The following MAF variants were observed in gnomAD, a reference collection of about 807,000 sequenced individuals.
MAF encodes transcription factor Maf.
In MAF, 10 loss-of-function variants were observed where a neutral mutation model predicts 22.0. The ratio of observed to expected loss-of-function variants is 0.45; its 90% CI spans 0.28 to 0.77. The LOEUF is 0.77. MAF is among the 30% of genes least tolerant of loss of function. The pLI, the probability that MAF is intolerant of heterozygous loss-of-function variation, is 0.12. For synonymous variants in MAF, 337 were observed against 255.8 expected (o/e 1.32, Z -3.03); for missense variants, 544 against 548.4 (o/e 0.99, Z 0.08).
chr16:79,332,580 T>G, the MAF span, among the ~76,000 whole-genome samples: 12 of 152,260 alleles, frequency 7.9e-5, no homozygotes, highest in African/African-American at 2.9e-4. Flanking sequence ...ATTACTGGCA[T>G]GAGCCACCAC....
chr16:79,301,784 G>T, the MAF span, among the ~76,000 whole-genome samples: 3 of 152,240 alleles, frequency 2.0e-5, no homozygotes, highest in East Asian at 3.9e-4. Flanking sequence ...ACTGTGCTCT[G>T]GGTATGATGC....
At chr16:79,589,467 T>C (rs1222876174), downstream of MAF, among the ~76,000 whole-genome samples, 1 of 152,056 alleles carries the variant, frequency 6.6e-6, no homozygotes, top group African/African-American at 2.4e-5. Flanking sequence ...CCTCTTACTC[T>C]GTCTCTAACC....
At chr16:79,400,451 T>C in the MAF span, among the ~76,000 whole-genome samples, 1 of 152,238 alleles carries the variant, frequency 6.6e-6, no homozygotes, top group Non-Finnish European at 1.5e-5. Flanking sequence ...AACTACGCCC[T>C]GTTGTGCTCA....
At chr16:79,541,209 T>G in the MAF span, among the ~76,000 whole-genome samples, 2 of 152,228 alleles carry the variant, frequency 1.3e-5, no homozygotes, top group African/African-American at 4.8e-5. Flanking sequence ...CTTCAACGAC[T>G]GCTATCGTAC....
At chr16:79,594,680 G>C (rs1377690673) in intron 1 of MAF, 127 bp from the exon 2 acceptor site, 1 of 1,492,920 alleles carries the variant, frequency 6.7e-7, no homozygotes. Context: ...GTAATGAATG[G>C]CACTTACTCA....
the MAF span, among the ~76,000 whole-genome samples, chr16:79,258,504 G>C: frequency 6.6e-6 from 1 of 152,100 alleles, no homozygotes; most frequent in African/African-American, 2.4e-5. Context: ...TCCTGTAATG[G>C]AGCTAGCCTG....
At chr16:79,481,280 T>C in the MAF span, among the ~76,000 whole-genome samples, 5 of 152,024 alleles carry the variant, frequency 3.3e-5, no homozygotes, top group Non-Finnish European at 4.4e-5. Context: ...TATATATGTA[T>C]CATAAAATTC....
the MAF span, among the ~76,000 whole-genome samples, chr16:79,578,709 T>C: frequency 2.6e-5 from 4 of 152,114 alleles, no homozygotes; most frequent in Admixed American, 6.5e-5. Context: ...TCCTGAGAAA[T>C]AGATAAATAA....
chr16:79,351,993 G>A, the MAF span, among the ~76,000 whole-genome samples: 5 of 152,176 alleles, frequency 3.3e-5, no homozygotes, highest in Non-Finnish European at 7.4e-5. Context: ...AAATGTCACC[G>A]TTGAGATGAC....
chr16:79,531,760 C>G, the MAF span, among the ~76,000 whole-genome samples: 1 of 152,148 alleles, frequency 6.6e-6, no homozygotes, highest in African/African-American at 2.4e-5. Flanking sequence ...GCTTCACCCA[C>G]GCACTCATCA....
the MAF span, among the ~76,000 whole-genome samples, chr16:79,238,925 G>A: frequency 9.9e-5 from 15 of 151,862 alleles, no homozygotes; most frequent in Non-Finnish European, 2.2e-4. Flanking sequence ...TGATCTCATG[G>A]TGGGGTAACC....
At chr16:79,242,020 C>G in the MAF span, among the ~76,000 whole-genome samples, 1 of 152,006 alleles carries the variant, frequency 6.6e-6, no homozygotes, top group Non-Finnish European at 1.5e-5. Flanking sequence ...CCAGGCCTGC[C>G]TTACAAGAGC....
the MAF span, among the ~76,000 whole-genome samples, chr16:79,344,557 C>A: frequency 1.9e-4 from 29 of 152,306 alleles, no homozygotes; most frequent in East Asian, 4.2e-3. Context: ...TAGGTTTCCA[C>A]GTCCCATCTC....
the MAF span, among the ~76,000 whole-genome samples, chr16:79,468,379 T>C: frequency 6.6e-6 from 1 of 152,224 alleles, no homozygotes; most frequent in Non-Finnish European, 1.5e-5. Flanking sequence ...TCTGCTTAGA[T>C]CTCCTGGGTG....
At chr16:79,211,149 G>C in the MAF span, among the ~76,000 whole-genome samples, 2 of 151,836 alleles carry the variant, frequency 1.3e-5, no homozygotes, top group Non-Finnish European at 2.9e-5. Flanking sequence ...GCCCCACTTG[G>C]GTTTTCTACC....
the MAF span, among the ~76,000 whole-genome samples, chr16:79,543,002 T>A: frequency 7.2e-5 from 11 of 152,274 alleles, no homozygotes; most frequent in South Asian, 1.9e-3. Context: ...TATGTGCAGT[T>A]ATGTTTTCTC....
the MAF span, among the ~76,000 whole-genome samples, chr16:79,482,529 T>C: frequency 6.6e-6 from 1 of 152,090 alleles, no homozygotes; most frequent in Non-Finnish European, 1.5e-5. Context: ...AGGAGCACAA[T>C]CTGATGAGGA....
the MAF span, among the ~76,000 whole-genome samples, chr16:79,250,313 T>G: frequency 9.8e-5 from 15 of 152,322 alleles, no homozygotes; most frequent in African/African-American, 3.1e-4. Context: ...TTCCCTATTG[T>G]GATTTTCATG....
downstream of MAF, among the ~76,000 whole-genome samples, chr16:79,588,945 G>T (rs1245592673): frequency 6.6e-6 from 1 of 152,008 alleles, no homozygotes; most frequent in Non-Finnish European, 1.5e-5. Flanking sequence ...AGATTACCGA[G>T]GGTTTTTCCG....
Sources: gnomAD v4.1 joint callset for allele counts (sites outside exome capture counted in the v4.1 genomes callset) on GRCh38, gnomAD v4.1.1 for gene constraint, MANE v1.5 for transcripts, NCBI Gene and HGNC (gene_info 2026-07-23, HGNC 2026-07-21) for gene names.